Variants in SKAP1 observed in about 807,000 individuals in gnomAD.
The protein encoded by SKAP1 is src kinase-associated phosphoprotein 1.
SKAP1 carries 44 observed loss-of-function variants against 58.5 expected under a neutral mutation model. That is an observed-to-expected ratio of 0.75 (90% CI 0.59 to 0.97). The LOEUF (loss-of-function observed/expected upper bound fraction) is 0.97. Among genes scored for constraint, SKAP1 ranks in the 50% least tolerant of loss-of-function variants. SKAP1 has a pLI of 0.00. For synonymous variants in SKAP1, 127 were observed against 149.7 expected, an observed-to-expected ratio of 0.85 and a Z score of 1.11; for missense variants, 390 against 435.2, an observed-to-expected ratio of 0.90 and a Z score of 0.92.
chr17:48,416,645 G>T (rs942417990), intron 1 of SKAP1, among the ~76,000 whole-genome samples: 3 of 152,118 alleles, frequency 2.0e-5, no homozygotes, highest in Non-Finnish European at 4.4e-5. Context: ...TCATTCTAGG[G>T]TATCTGAGTA....
chr17:48,319,757 A>C (rs2066336835), intron 4 of SKAP1, among the ~76,000 whole-genome samples: 1 of 152,106 alleles, frequency 6.6e-6, no homozygotes, highest in Non-Finnish European at 1.5e-5. Context: ...TGGGAGGATC[A>C]CCTGAGCCTG....
chr17:48,256,175 ATGTGTGTG>A (rs35261737), intron 4 of SKAP1, among the ~76,000 whole-genome samples: 1 of 149,754 alleles, frequency 6.7e-6, no homozygotes, highest in Non-Finnish European at 1.5e-5. Context: ...GTTTACCAAA[ATGTGTGTG>A]TGTGTGTGTG....
In SKAP1 at chr17:48,143,514, T is replaced by C. The variant is rs112984042; in HGVS notation, c.979-6177A>G. Among the ~76,000 whole-genome samples the C allele has an allele frequency of 3.3e-3, 503 of 152,236 alleles. 7 individuals are homozygous for C. The highest frequency in any genetic ancestry group is 0.012 in the African/African-American group (491 of 41,534). ...CCCTGCCCAGCCTGTCAGGGCATTT[T>C]TAAGCTCCTCTTGGTACAAGATATG... On this transcript the variant is annotated intron_variant, in intron 11 of 12. Coordinates refer to ENST00000336915, the MANE Select transcript of SKAP1 (RefSeq NM_003726.4).
At chr17:48,376,179 G>A (rs946290028) in intron 2 of SKAP1, among the ~76,000 whole-genome samples, 4 of 151,794 alleles carry the variant, frequency 2.6e-5, no homozygotes, top group Non-Finnish European at 2.9e-5. Flanking sequence ...GCTACTCTTC[G>A]ACCACTGAGA....
In SKAP1 at chr17:48,170,719, T is replaced by G. The variant is rs987348577; in HGVS notation, c.827-60A>C. On this transcript the variant is annotated intron_variant, in intron 9 of 12. Coordinates refer to ENST00000336915, the MANE Select transcript of SKAP1 (RefSeq NM_003726.4). Reference sequence around the variant, plus strand: ...GGTTCACAGTCTCATGTTCTTTTTTTTTTTTTTCGAGATAGAGTCTTGCTC... The same window carrying G: ...GGTTCACAGTCTCATGTTCTTTTTTGTTTTTTTCGAGATAGAGTCTTGCTC... 4.3e-5 allele frequency: 64 copies of G among 1,477,146 alleles called. 1 individual carries two copies. Among genetic ancestry groups the G allele is most frequent in the Non-Finnish European group, 5.6e-5 (60 of 1,072,420 alleles). The allele number at this position is 1,477,146 out of a possible 1,614,324, so 91.5% of individuals were successfully genotyped here. A position where few individuals can be genotyped will look rare whatever the true frequency, so the allele number is the denominator to read the frequency against.
At chr17:48,288,114 A>G (rs1038488535) in intron 4 of SKAP1, among the ~76,000 whole-genome samples, 4 of 152,124 alleles carry the variant, frequency 2.6e-5, no homozygotes, top group African/African-American at 9.7e-5. Context: ...TGAATTCTCT[A>G]ATTGATTATT....
At chr17:48,275,738 ATTG>A (rs1353477306) in intron 4 of SKAP1, among the ~76,000 whole-genome samples, 5 of 152,168 alleles carry the variant, frequency 3.3e-5, no homozygotes, top group Admixed American at 1.3e-4. Flanking sequence ...AATCCCAACT[ATTG>A]TTGTTGTTGC....
chr17:48,397,521 C>T (rs774339791), intron 1 of SKAP1, among the ~76,000 whole-genome samples: 7 of 152,104 alleles, frequency 4.6e-5, no homozygotes, highest in Non-Finnish European at 8.8e-5. Flanking sequence ...CCACCGCGCC[C>T]GGCCTGGACT....
chr17:48,188,065 C>A (rs957291126), intron 5 of SKAP1, 139 bp from the exon 6 acceptor site: 4 of 639,756 alleles, frequency 6.3e-6, no homozygotes, highest in Non-Finnish European at 1.1e-5. Context: ...CCTTTTCACT[C>A]CCACAGGTTA....
intron 4 of SKAP1, among the ~76,000 whole-genome samples, chr17:48,233,811 G>T (rs1415133214): frequency 6.6e-6 from 1 of 152,010 alleles, no homozygotes; most frequent in African/African-American, 2.4e-5. Context: ...GGCTGAGATT[G>T]TGCCATTGTA....
At chr17:48,220,086 C>T (rs988984462) in intron 4 of SKAP1, among the ~76,000 whole-genome samples, 2 of 152,218 alleles carry the variant, frequency 1.3e-5, no homozygotes, top group Non-Finnish European at 2.9e-5. Flanking sequence ...GGAATTTTCA[C>T]ACATTGTTGG....
rs536919061 is a variant in SKAP1, at chr17:48,206,948, G to A, written c.281-17448C>T. 3.3e-5 allele frequency among the ~76,000 whole-genome samples: 5 copies of A among 152,048 alleles called. No homozygotes were observed. The South Asian group carries it at 1.0e-3, about 32-fold the overall frequency. Reference sequence around the variant, plus strand: ...CTACAGGTACACACCATTGTGCCTGGCTTTATTTGATTTTTAAGAACTATA... The same window carrying A: ...CTACAGGTACACACCATTGTGCCTGACTTTATTTGATTTTTAAGAACTATA... On this transcript the variant is annotated intron_variant, in intron 4 of 12. Coordinates refer to ENST00000336915, the MANE Select transcript of SKAP1 (RefSeq NM_003726.4).
At chr17:48,372,304 T>C (rs1360064694) in intron 2 of SKAP1, among the ~76,000 whole-genome samples, 1 of 149,772 alleles carries the variant, frequency 6.7e-6, no homozygotes, top group Non-Finnish European at 1.5e-5. Flanking sequence ...ATGTGTTATT[T>C]TATTTATTTA....
At chr17:48,204,977 C>CTTTTCTTTCTTTCTTTCTTTCTTTCTT (rs67682493) in intron 4 of SKAP1, among the ~76,000 whole-genome samples, 1 of 69,324 alleles carries the variant, frequency 1.4e-5, no homozygotes, top group Admixed American at 1.8e-4. Flanking sequence ...CTTTTCTTTT[C>CTTTTCTTTCTTTCTTTCTTTCTTTCTT]TTTCTTTCTT....
intron 4 of SKAP1, among the ~76,000 whole-genome samples, chr17:48,230,173 T>G (rs1910574): frequency 0.83 from 126,369 of 152,050 alleles, 52,579 homozygotes; most frequent in East Asian, 0.95. Context: ...TGATTTCCTG[T>G]AATATCTGCC....
intron 4 of SKAP1, among the ~76,000 whole-genome samples, chr17:48,288,954 T>C (rs2065867716): frequency 6.6e-6 from 1 of 152,132 alleles, no homozygotes; most frequent in African/African-American, 2.4e-5. Flanking sequence ...AACAGAGAAG[T>C]GAAGCTGAAC....
intron 1 of SKAP1, among the ~76,000 whole-genome samples, chr17:48,409,667 CAAAA>C (rs35629210): frequency 3.2e-5 from 3 of 94,632 alleles, no homozygotes; most frequent in Non-Finnish European, 6.7e-5. Context: ...GATCCTGTCT[CAAAA>C]AAAAAAAAAA....
At position 48,193,616 on chromosome 17, in the gene SKAP1, T is replaced by TAACC. The variant is rs1302595747; in HGVS notation, c.281-4120_281-4117dup. The TAACC allele has an allele frequency of 5.6e-6, 5 of 885,710 alleles. No individual in the cohort carries two copies. The African/African-American group carries it at 9.1e-5, about 16-fold the overall frequency. The allele number at this position is 885,710 out of a possible 1,614,324, so 54.9% of individuals were successfully genotyped here. On this transcript the variant is annotated intron_variant, in intron 4 of 12. Transcript: ENST00000336915. ...CCATGATCTATCTGACAAATCCAAA[T>TAACC]AACCAAGGTGGGAATCCACAGTGGC...
chr17:48,349,916 A>G (rs753999299), intron 3 of SKAP1, among the ~76,000 whole-genome samples: 1 of 152,172 alleles, frequency 6.6e-6, no homozygotes, highest in Non-Finnish European at 1.5e-5. Context: ...TTCTGAAACA[A>G]TAGTCTTGGC....
Sources: gnomAD v4.1 joint callset for allele counts (sites outside exome capture counted in the v4.1 genomes callset) on GRCh38, gnomAD v4.1.1 for gene constraint, MANE v1.5 for transcripts, NCBI Gene and HGNC (gene_info 2026-07-23, HGNC 2026-07-21) for gene names.